The following IPO13 variants were observed in gnomAD, a reference collection of about 807,000 sequenced individuals.
IPO13 encodes importin 13.
IPO13 carries 28 observed loss-of-function variants against 115.5 expected under a neutral mutation model. The observed-to-expected ratio is 0.24, with a 90% CI of 0.18 to 0.33. The LOEUF is 0.33. IPO13 is among the 10% of genes least tolerant of loss of function. IPO13 has a pLI of 1.00. For missense variants in IPO13, 785 were observed against 1,204.6 expected (o/e 0.65, Z 5.16); for synonymous variants, 414 against 478.9 (o/e 0.86, Z 1.77).
chr1:43,953,648 C>T (rs2085224125), intron 2 of IPO13, among the ~76,000 whole-genome samples: 1 of 152,218 alleles, frequency 6.6e-6, no homozygotes, highest in South Asian at 2.1e-4. Flanking sequence ...GCTGAGCTTG[C>T]ACTCAAGTCA....
In IPO13 at chr1:43,958,910, G is replaced by T; in HGVS notation, c.2028+21G>T. ...ACCCCGTGGGTGACATTTGCCCACG[G>T]CAAAGACATTTGTCTTTGCCATCCC... is the stretch of plus-strand genomic sequence containing the variant. On this transcript the variant is annotated intron_variant, in intron 11 of 19. Coordinates refer to ENST00000372343, the MANE Select transcript of IPO13 (RefSeq NM_014652.4). The surrounding 1 kb of genome is among the most constrained non-coding windows in gnomAD (Gnocchi z 6.3). The T allele has an allele frequency of 6.2e-7, 1 of 1,610,424 alleles. No homozygotes were observed. The highest frequency in any genetic ancestry group is 1.1e-5 in the South Asian group (1 of 90,954).
intron 12 of IPO13, 47 bp downstream of exon 12, chr1:43,960,376 G>A: frequency 6.5e-7 from 1 of 1,527,436 alleles, no homozygotes; most frequent in Non-Finnish European, 9.1e-7. Context: ...CTGCTCAGAG[G>A]TGTAGCAGGG....
In IPO13 at chr1:43,967,035, G is replaced by A. The variant is rs2085330729; in HGVS notation, c.2613+16G>A. ...AGTGCTGGAGGTGAGACGGAGCAAAGGGGGGTTTGATGGGGGTGAGGGCCC... is the reference window on the plus strand; with the variant it reads ...AGTGCTGGAGGTGAGACGGAGCAAAAGGGGGTTTGATGGGGGTGAGGGCCC... On this transcript the variant is annotated intron_variant, in intron 18 of 19. Coordinates refer to ENST00000372343, the MANE Select transcript of IPO13 (RefSeq NM_014652.4). This position sits in a 1 kb window ranked among gnomAD's most constrained non-coding sequence, Gnocchi z 6.1. 6.2e-7 allele frequency: 1 copy of A among 1,611,506 alleles called. No homozygotes were observed.
At position 43,958,655 on chromosome 1, in the gene IPO13, G is replaced by A; in HGVS notation, c.1884+60G>A. The A allele has an allele frequency of 2.5e-6, 4 of 1,612,322 alleles. No individual in the cohort carries two copies. The highest frequency in any genetic ancestry group is 1.3e-5 in the African/African-American group (1 of 75,002). The stretch of plus-strand genomic sequence containing the variant: ...AGATGCTGTGGCTGATGAGGGGTGA[G>A]GTTGGAGCTGGCCCTCAGAGCTGAG... On this transcript the variant is annotated intron_variant, in intron 10 of 19. Coordinates refer to ENST00000372343, the MANE Select transcript of IPO13 (RefSeq NM_014652.4). The surrounding 1 kb of genome is among the most constrained non-coding windows in gnomAD (Gnocchi z 6.3).
In IPO13 at chr1:43,966,802, C is replaced by G; in HGVS notation, c.2523+20C>G. The G allele has an allele frequency of 6.2e-7, 1 of 1,613,858 alleles. No homozygotes were observed. ...TTCTTTGTGAGTCCCATGCTGAACC[C>G]TGACCCACTGCCACCCCAGTGCCCT... On this transcript the variant is annotated intron_variant, in intron 17 of 19. Transcript: ENST00000372343. This position sits in a 1 kb window ranked among gnomAD's most constrained non-coding sequence, Gnocchi z 4.1.
chr1:43,954,832 C>CTA (rs2085233188), intron 2 of IPO13, among the ~76,000 whole-genome samples: 1 of 152,232 alleles, frequency 6.6e-6, no homozygotes, highest in Admixed American at 6.5e-5. Context: ...ACTCTCAAAT[C>CTA]TATGGCTTTT....
intron 14 of IPO13, among the ~76,000 whole-genome samples, chr1:43,961,475 C>A (rs1323589364): frequency 1.3e-5 from 2 of 152,138 alleles, no homozygotes; most frequent in African/African-American, 4.8e-5. Flanking sequence ...CTTCTGCTGG[C>A]CTGCTGGGCT....
chr1:43,964,328 T>G lies in IPO13; in HGVS notation c.2397+7T>G. Reference sequence around the variant, plus strand: ...TATGCAACTCCTGGCACAGGTGTGTTTTAGTTTTATTCATTCACGTTCTGT... The same window carrying G: ...TATGCAACTCCTGGCACAGGTGTGTGTTAGTTTTATTCATTCACGTTCTGT... On this transcript the variant is annotated splice_region_variant and intron_variant, in intron 15 of 19. Coordinates refer to ENST00000372343, the MANE Select transcript of IPO13 (RefSeq NM_014652.4). The G allele has an allele frequency of 6.3e-7, 1 of 1,583,986 alleles. No individual in the cohort carries two copies. The highest frequency in any genetic ancestry group is 8.7e-7 in the Non-Finnish European group (1 of 1,153,208).
chr1:43,964,240 T>C, intron 14 of IPO13, 29 bp from the exon 15 acceptor site: 1 of 1,538,832 alleles, frequency 6.5e-7, no homozygotes, highest in Non-Finnish European at 9.0e-7. Flanking sequence ...TATAATTTTT[T>C]CTTAAGTTCC....
chr1:43,967,504 G>C lies in IPO13; in HGVS notation c.2795+8G>C. 1 of 1,614,150 alleles carries C rather than the reference G, an allele frequency of 6.2e-7. No individual in the cohort carries two copies. The highest frequency in any genetic ancestry group is 2.2e-5 in the East Asian group (1 of 44,886). On this transcript the variant is annotated splice_region_variant and intron_variant, in intron 19 of 19. Transcript: ENST00000372343. This position sits in a 1 kb window ranked among gnomAD's most constrained non-coding sequence, Gnocchi z 6.1. ...CAGCCAGCAGATCCTTCGGTGAGCAGAGCTGGGGTGGGCCTGGGGTCAGGC... is the reference window on the plus strand; with the variant it reads ...CAGCCAGCAGATCCTTCGGTGAGCACAGCTGGGGTGGGCCTGGGGTCAGGC...
At chr1:43,950,955 T>A (rs1296175156) in intron 2 of IPO13, among the ~76,000 whole-genome samples, 4 of 152,214 alleles carry the variant, frequency 2.6e-5, no homozygotes, top group Non-Finnish European at 5.9e-5. Context: ...ACTCTGTCAT[T>A]TTACTTTGTC....
chr1:43,958,192 G>A lies in IPO13; in HGVS notation c.1722+34G>A. ...GGGCCCTGGATGGTGCTGGGCCTCAGAGCACACTCTGCACTGTGCTGATAC... is the reference window on the plus strand; with the variant it reads ...GGGCCCTGGATGGTGCTGGGCCTCAAAGCACACTCTGCACTGTGCTGATAC... On this transcript the variant is annotated intron_variant, in intron 8 of 19. Coordinates refer to ENST00000372343, the MANE Select transcript of IPO13 (RefSeq NM_014652.4). The surrounding 1 kb of genome is among the most constrained non-coding windows in gnomAD (Gnocchi z 6.3). The A allele has an allele frequency of 2.5e-6, 4 of 1,613,692 alleles. 1 individual carries two copies. In the South Asian group the frequency reaches 4.4e-5, roughly 18 times the overall value.
At chr1:43,960,039 G>C (rs1034274602) in intron 11 of IPO13, among the ~76,000 whole-genome samples, 2 of 152,166 alleles carry the variant, frequency 1.3e-5, no homozygotes, top group Non-Finnish European at 2.9e-5. Context: ...CCTTTGAGAT[G>C]ATCCCTAGAA....
chr1:43,960,359 A>G (rs1334077344), intron 12 of IPO13, 30 bp downstream of exon 12: 3 of 1,581,466 alleles, frequency 1.9e-6, no homozygotes, highest in African/African-American at 1.3e-5. Flanking sequence ...CTCCGCTCCC[A>G]TAGTGACTGC....
At chr1:43,953,994 T>C (rs1338981912) in intron 2 of IPO13, among the ~76,000 whole-genome samples, 1 of 152,256 alleles carries the variant, frequency 6.6e-6, no homozygotes, top group Non-Finnish European at 1.5e-5. Context: ...TGAGGCTGTA[T>C]TATCCTTGAT....
rs2085269086 is a variant in IPO13 at position 43,958,690 on chromosome 1, T to C, written c.1885-56T>C. 6.2e-7 allele frequency: 1 copy of C among 1,612,960 alleles called. No homozygotes were observed. Among genetic ancestry groups the C allele is most frequent in the Middle Eastern group, 1.7e-4 (1 of 6,052 alleles). ...GGCCCTCAGAGCTGAGGCTCAGTGA[T>C]CTGGGGACCAAACTGGGGCTGGGAG... On this transcript the variant is annotated intron_variant, in intron 10 of 19. Transcript: ENST00000372343. The surrounding 1 kb of genome is among the most constrained non-coding windows in gnomAD (Gnocchi z 6.3).
In IPO13 at chr1:43,967,406, T is replaced by A; in HGVS notation, c.2705T>A (p.Met902Lys). 1.2e-6 allele frequency: 2 copies of A among 1,614,134 alleles called. No individual in the cohort carries two copies. Among genetic ancestry groups the A allele is most frequent in the Non-Finnish European group, 1.7e-6 (2 of 1,180,014 alleles). Residue 902 changes from methionine (M) to lysine (K), a missense_variant, in exon 19 of 20, where the codon ATG becomes AAG. Around this residue, in one of 3 missense-constraint regions of IPO13, gnomAD observed 285 missense variants for 394.8 expected, o/e 0.72. Transcript: ENST00000372343. The surrounding 1 kb of genome is among the most constrained non-coding windows in gnomAD (Gnocchi z 6.1). ...AAGCACTGCTTCAGCCTCCTGAGCATGTGGATCAAGGAGGCCCTGCAGCCA... is the reference window on the plus strand; with the variant it reads ...AAGCACTGCTTCAGCCTCCTGAGCAAGTGGATCAAGGAGGCCCTGCAGCCA... ...LNKHCFSLLS[M>K]WIKEALQPPG...
chr1:43,964,184 C>A (rs925752360), intron 14 of IPO13, 85 bp from the exon 15 acceptor site: 4 of 887,030 alleles, frequency 4.5e-6, no homozygotes, highest in Non-Finnish European at 7.4e-6. Context: ...TGTCTCCCTG[C>A]AGGCTCTCAG....
chr1:43,960,231 T>G lies in IPO13; in HGVS notation c.2029-18T>G. The G allele has an allele frequency of 6.2e-7, 1 of 1,613,968 alleles. No individual in the cohort carries two copies. The highest frequency in any genetic ancestry group is 8.5e-7 in the Non-Finnish European group (1 of 1,179,842). The stretch of plus-strand genomic sequence containing the variant: ...GTGATGGATAGCAGAAGCGCCTCAC[T>G]TCTTCCTGTGCCTTCAGGTGGTGGT... On this transcript the variant is annotated intron_variant, in intron 11 of 19. Coordinates refer to ENST00000372343, the MANE Select transcript of IPO13 (RefSeq NM_014652.4).
Sources: allele counts gnomAD v4.1 joint callset (sites outside exome capture counted in the v4.1 genomes callset), GRCh38; gene constraint gnomAD v4.1.1; regional missense constraint gnomAD v4.1.1; non-coding constraint Gnocchi (gnomAD v3.1); transcripts MANE v1.5; gene names NCBI Gene and HGNC (gene_info 2026-07-23, HGNC 2026-07-21).